The following IMMP2L variants were observed in gnomAD, a reference collection of about 807,000 sequenced individuals.
IMMP2L encodes the protein inner mitochondrial membrane peptidase subunit 2.
Under a neutral mutation model 19.3 loss-of-function variants are expected in IMMP2L, and 18 were observed. That is an observed-to-expected ratio of 0.93 (90% CI 0.64 to 1.38). The LOEUF is 1.38. Among genes scored for constraint, IMMP2L ranks in the 40% most tolerant of loss-of-function variants. The pLI is 0.00. For synonymous variants in IMMP2L, 76 were observed against 73.0 expected (o/e 1.04, Z -0.21); for missense variants, 233 against 218.2 (o/e 1.07, Z -0.43).
intron 3 of IMMP2L, among the ~76,000 whole-genome samples, chr7:111,228,935 CA>C (rs564522418): frequency 1.8e-4 from 27 of 150,830 alleles, no homozygotes; most frequent in African/African-American, 5.6e-4. Context: ...AAACATGGTG[CA>C]AAGAGGTAAT....
At chr7:111,149,105 A>G (rs559702003) in intron 3 of IMMP2L, among the ~76,000 whole-genome samples, 1 of 152,292 alleles carries the variant, frequency 6.6e-6, no homozygotes, top group South Asian at 2.1e-4. Context: ...GTAAGTAGTT[A>G]TGTTGAAGAC....
chr7:111,228,052 T>C (rs1163802495), intron 3 of IMMP2L, among the ~76,000 whole-genome samples: 1 of 152,128 alleles, frequency 6.6e-6, no homozygotes, highest in Non-Finnish European at 1.5e-5. Context: ...CAGAAATCTA[T>C]CAGAAATAAT....
intron 1 of IMMP2L, among the ~76,000 whole-genome samples, chr7:111,558,745 G>A (rs752123446): frequency 1.5e-4 from 23 of 152,138 alleles, no homozygotes; most frequent in Non-Finnish European, 1.3e-4. Context: ...CACACAATGA[G>A]TTTAAAAAGC....
At chr7:110,794,384 G>A (rs981222165) in intron 5 of IMMP2L, among the ~76,000 whole-genome samples, 4 of 152,054 alleles carry the variant, frequency 2.6e-5, no homozygotes, top group South Asian at 2.1e-4. Flanking sequence ...CTAAGTGAAG[G>A]AAGCCAGTCT....
intron 5 of IMMP2L, among the ~76,000 whole-genome samples, chr7:110,702,784 T>C (rs1035500993): frequency 2.6e-5 from 4 of 152,158 alleles, no homozygotes; most frequent in South Asian, 2.1e-4. Context: ...TTTACTAAAC[T>C]TACATATTAG....
intron 3 of IMMP2L, among the ~76,000 whole-genome samples, chr7:111,031,665 G>A (rs1790837481): frequency 6.6e-6 from 1 of 152,098 alleles, no homozygotes; most frequent in Non-Finnish European, 1.5e-5. Context: ...CCTATACTCT[G>A]CCCTCAAAGA....
chr7:111,508,872 G>A lies in IMMP2L; in HGVS notation c.135+12441C>T, dbSNP rs183651445. 3.5e-3 allele frequency among the ~76,000 whole-genome samples: 527 copies of A among 152,210 alleles called. 7 individuals are homozygous for A. Among genetic ancestry groups the A allele is most frequent in the African/African-American group, 0.012 (509 of 41,534 alleles). On this transcript the variant is annotated intron_variant, in intron 2 of 5. Coordinates refer to ENST00000405709, the MANE Select transcript of IMMP2L (RefSeq NM_032549.4). ...TCAGGCTTTAAACTGTCTTGGGCTT[G>A]GAAGGGGGGTTTCACTGGGGACCCA...
intron 3 of IMMP2L, among the ~76,000 whole-genome samples, chr7:111,396,176 T>G (rs912714466): frequency 6.6e-6 from 1 of 152,054 alleles, no homozygotes; most frequent in African/African-American, 2.4e-5. Context: ...TAAAGACACA[T>G]GGATATGTAT....
intron 5 of IMMP2L, among the ~76,000 whole-genome samples, chr7:110,706,594 C>T (rs1321248331): frequency 2.0e-5 from 3 of 152,142 alleles, no homozygotes; most frequent in Non-Finnish European, 4.4e-5. Flanking sequence ...ATGTGCATTT[C>T]TCTGATGACT....
chr7:111,261,479 G>T (rs1817306522), intron 3 of IMMP2L, among the ~76,000 whole-genome samples: 1 of 152,082 alleles, frequency 6.6e-6, no homozygotes, highest in South Asian at 2.1e-4. Flanking sequence ...CTGATTCAGG[G>T]CTTCATTCAT....
At chr7:110,772,496 G>C (rs919362292) in intron 5 of IMMP2L, among the ~76,000 whole-genome samples, 18 of 152,180 alleles carry the variant, frequency 1.2e-4, no homozygotes, top group African/African-American at 4.3e-4. Flanking sequence ...CTTTTCCATA[G>C]TTTCCACACT....
At chr7:110,733,590 T>G (rs894177962) in intron 5 of IMMP2L, among the ~76,000 whole-genome samples, 1 of 152,124 alleles carries the variant, frequency 6.6e-6, no homozygotes, top group African/African-American at 2.4e-5. Flanking sequence ...AAACATATAT[T>G]CATATAAACT....
At chr7:111,108,700 CA>C (rs1048434366) in intron 3 of IMMP2L, among the ~76,000 whole-genome samples, 2 of 152,014 alleles carry the variant, frequency 1.3e-5, no homozygotes, top group Non-Finnish European at 2.9e-5. Flanking sequence ...TTAAAAAAAA[CA>C]TATTTATTTC....
At chr7:110,984,802 G>T (rs1453264030) in intron 3 of IMMP2L, among the ~76,000 whole-genome samples, 1 of 152,026 alleles carries the variant, frequency 6.6e-6, no homozygotes. Context: ...AGTATGGCAG[G>T]CAAAATAATG....
chr7:111,107,911 C>T (rs1458349885), intron 3 of IMMP2L, among the ~76,000 whole-genome samples: 1 of 152,106 alleles, frequency 6.6e-6, no homozygotes, highest in Non-Finnish European at 1.5e-5. Context: ...ATGTGTGCTG[C>T]ATAGATTTAG....
intron 4 of IMMP2L, among the ~76,000 whole-genome samples, chr7:110,910,908 T>C (rs1812994329): frequency 2.0e-5 from 3 of 152,134 alleles, no homozygotes; most frequent in South Asian, 2.1e-4. Flanking sequence ...GAAGCCTGTA[T>C]ATAAATATTC....
intron 3 of IMMP2L, among the ~76,000 whole-genome samples, chr7:111,267,537 A>T (rs116877244): frequency 0.012 from 1,787 of 152,210 alleles, 15 homozygotes; most frequent in Non-Finnish European, 0.017. Context: ...CTCAAAGGAA[A>T]CAGTGACTCC....
At chr7:111,357,146 G>T (rs1317832254) in intron 3 of IMMP2L, among the ~76,000 whole-genome samples, 1 of 152,172 alleles carries the variant, frequency 6.6e-6, no homozygotes, top group Non-Finnish European at 1.5e-5. Flanking sequence ...TGTGGACACA[G>T]ACTGGCCCAC....
intron 2 of IMMP2L, among the ~76,000 whole-genome samples, chr7:111,494,118 T>C (rs752724017): frequency 7.2e-5 from 11 of 152,216 alleles, no homozygotes; most frequent in Non-Finnish European, 1.5e-4. Context: ...TTTCTTGTTA[T>C]ATTGTTAATA....
Sources: gnomAD v4.1 joint callset for allele counts (sites outside exome capture counted in the v4.1 genomes callset) on GRCh38, gnomAD v4.1.1 for gene constraint, MANE v1.5 for transcripts, NCBI Gene and HGNC (gene_info 2026-07-23, HGNC 2026-07-21) for gene names.